Variants in SORCS2 observed in about 807,000 individuals in gnomAD.
SORCS2 encodes sortilin related VPS10 domain containing receptor 2.
In SORCS2, 100 loss-of-function variants were observed where a neutral mutation model predicts 141.6. That is an observed-to-expected ratio of 0.71 (90% CI 0.60 to 0.83). SORCS2 has a LOEUF of 0.83. SORCS2 is among the 40% of genes least tolerant of loss of function. The probability of loss-of-function intolerance (pLI) is 0.00; values close to 1 mark genes in which losing one functional copy is unlikely to be tolerated. For synonymous variants in SORCS2, 789 were observed against 676.9 expected (o/e 1.17, Z -2.57); for missense variants, 1,646 against 1,560.2 (o/e 1.05, Z -0.93).
At chr4:7,542,121 C>T (rs1018192213) in intron 3 of SORCS2, among the ~76,000 whole-genome samples, 1 of 152,232 alleles carries the variant, frequency 6.6e-6, no homozygotes, top group African/African-American at 2.4e-5. Flanking sequence ...ACCAAAGGGG[C>T]CCATTGGCAG....
chr4:7,663,520 C>G lies in SORCS2; in HGVS notation c.953-833C>G, dbSNP rs888190102. ...GTGGCTCAGGAGGGCTTGGCAGTGGCCTGGTGCTGCTGCCCACGTACCCTC... is the reference window on the plus strand; with the variant it reads ...GTGGCTCAGGAGGGCTTGGCAGTGGGCTGGTGCTGCTGCCCACGTACCCTC... On this transcript the variant is annotated intron_variant, in intron 6 of 26. Transcript: ENST00000507866. The surrounding 1 kb of genome is among the most constrained non-coding windows in gnomAD (Gnocchi z 4.8). Among the ~76,000 whole-genome samples the G allele has an allele frequency of 1.3e-5, 2 of 152,226 alleles. No homozygotes were observed. The highest frequency in any genetic ancestry group is 1.3e-4 in the Admixed American group (2 of 15,288).
intron 2 of SORCS2, among the ~76,000 whole-genome samples, chr4:7,518,654 G>A (rs1277890619): frequency 1.3e-5 from 2 of 152,134 alleles, no homozygotes; most frequent in African/African-American, 4.8e-5. Context: ...GGAGAAAGAG[G>A]TAACTACCCT....
intron 11 of SORCS2, among the ~76,000 whole-genome samples, chr4:7,695,435 G>T (rs1462451218): frequency 2.5e-5 from 2 of 80,424 alleles, no homozygotes; most frequent in Admixed American, 2.6e-4. Context: ...TGGATGGATG[G>T]ATTGGTGGGT....
At chr4:7,670,936 C>A (rs1483217005) in intron 8 of SORCS2, among the ~76,000 whole-genome samples, 2 of 152,226 alleles carry the variant, frequency 1.3e-5, no homozygotes, top group South Asian at 4.1e-4. Flanking sequence ...TTGCAACCAC[C>A]ATGAGTTGAA....
At chr4:7,547,926 T>C (rs1266979317) in intron 3 of SORCS2, among the ~76,000 whole-genome samples, 1 of 152,112 alleles carries the variant, frequency 6.6e-6, no homozygotes, top group East Asian at 1.9e-4. Flanking sequence ...TGAAACCCAA[T>C]CTCAACATGC....
At chr4:7,396,501 C>T (rs955710508) in intron 2 of SORCS2, 146 bp downstream of exon 2, 2 of 759,190 alleles carry the variant, frequency 2.6e-6, no homozygotes, top group Non-Finnish European at 4.3e-6. Context: ...CTAGAAAATG[C>T]ATAAAGGAAA....
At chr4:7,506,409 T>C (rs1732281000) in intron 2 of SORCS2, among the ~76,000 whole-genome samples, 2 of 152,176 alleles carry the variant, frequency 1.3e-5, no homozygotes. Flanking sequence ...GTTCTCCAAT[T>C]AGAAGTTGCC....
intron 1 of SORCS2, among the ~76,000 whole-genome samples, chr4:7,316,059 C>T (rs1718527975): frequency 6.6e-6 from 1 of 152,088 alleles, no homozygotes; most frequent in South Asian, 2.1e-4. Flanking sequence ...GCTTTCCTTC[C>T]TTCCATCCAT....
At chr4:7,317,852 G>T (rs1267242289) in intron 1 of SORCS2, among the ~76,000 whole-genome samples, 1 of 152,154 alleles carries the variant, frequency 6.6e-6, no homozygotes, top group Non-Finnish European at 1.5e-5. Flanking sequence ...ACAGAAACCC[G>T]AGAACCCGGT....
At chr4:7,498,889 C>A (rs1297522719) in intron 2 of SORCS2, among the ~76,000 whole-genome samples, 1 of 152,188 alleles carries the variant, frequency 6.6e-6, no homozygotes, top group Admixed American at 6.5e-5. Flanking sequence ...CTGTCACCCC[C>A]AGCAGGGGAA....
chr4:7,365,739 T>C (rs1721843288), intron 1 of SORCS2, among the ~76,000 whole-genome samples: 1 of 152,162 alleles, frequency 6.6e-6, no homozygotes, highest in African/African-American at 2.4e-5. Flanking sequence ...CAATTTATGG[T>C]CACTCTTTTT....
At position 7,193,664 on chromosome 4, in the gene SORCS2, G is replaced by C. The variant is rs892800219; in HGVS notation, c.480+538G>C. Among the ~76,000 whole-genome samples the C allele has an allele frequency of 1.3e-5, 2 of 152,154 alleles. No individual in the cohort carries two copies. The highest frequency in any genetic ancestry group is 2.9e-5 in the Non-Finnish European group (2 of 68,028). ...GGATTTCTGGGTTACCCCTCTCCCC[G>C]GGGTACTCTAGTGCGACCCGCGGCT... is the stretch of plus-strand genomic sequence containing the variant. On this transcript the variant is annotated intron_variant, in intron 1 of 26. Transcript: ENST00000507866. This position sits in a 1 kb window ranked among gnomAD's most constrained non-coding sequence, Gnocchi z 4.8.
intron 7 of SORCS2, among the ~76,000 whole-genome samples, chr4:7,666,380 G>C (rs1577918125): frequency 6.6e-6 from 1 of 152,172 alleles, no homozygotes; most frequent in Non-Finnish European, 1.5e-5. Context: ...TTCTATCCTG[G>C]TTTCCGTCAT....
At chr4:7,349,280 C>A (rs1416263898) in intron 1 of SORCS2, among the ~76,000 whole-genome samples, 1 of 152,200 alleles carries the variant, frequency 6.6e-6, no homozygotes, top group Non-Finnish European at 1.5e-5. Flanking sequence ...GGCCCCTCTG[C>A]CCCAGTGATG....
intron 9 of SORCS2, among the ~76,000 whole-genome samples, chr4:7,677,711 C>T (rs1423081131): frequency 6.6e-6 from 1 of 152,116 alleles, no homozygotes; most frequent in Non-Finnish European, 1.5e-5. Flanking sequence ...ACTGTGGTCC[C>T]CAGGAAAATC....
intron 3 of SORCS2, among the ~76,000 whole-genome samples, chr4:7,564,762 C>T (rs1479312873): frequency 1.3e-5 from 2 of 152,226 alleles, no homozygotes; most frequent in Non-Finnish European, 2.9e-5. Flanking sequence ...AAGACAGGCC[C>T]CATGCCACAG....
At chr4:7,406,336 A>G (rs980256091) in intron 2 of SORCS2, among the ~76,000 whole-genome samples, 10 of 148,420 alleles carry the variant, frequency 6.7e-5, no homozygotes, top group Admixed American at 2.7e-4. Context: ...AATGTTTGGT[A>G]GAATTGAGTG....
chr4:7,698,601 G>A lies in SORCS2; in HGVS notation c.1668+1327G>A, dbSNP rs543706013. Among the ~76,000 whole-genome samples the A allele has an allele frequency of 3.7e-4, 57 of 152,330 alleles. No homozygotes were observed. The South Asian group carries it at 0.01, about 28-fold the overall frequency. Reference sequence around the variant, plus strand: ...GAAGGTGTTCTGATTTTATAGAAACGGATTGCAAGATAGTCATAGCAGTCG... The same window carrying A: ...GAAGGTGTTCTGATTTTATAGAAACAGATTGCAAGATAGTCATAGCAGTCG... On this transcript the variant is annotated intron_variant, in intron 12 of 26. Transcript: ENST00000507866.
chr4:7,536,813 A>T lies in SORCS2; in HGVS notation c.648+5184A>T, dbSNP rs1712159558. Among the ~76,000 whole-genome samples the T allele has an allele frequency of 6.0e-5, 8 of 134,404 alleles. No individual in the cohort carries two copies. In the South Asian group the frequency reaches 1.9e-3, roughly 31 times the overall value. 88.2% of individuals were successfully genotyped at this position (134,404 alleles called of 152,430 possible). On this transcript the variant is annotated intron_variant, in intron 3 of 26. Transcript: ENST00000507866. ...GTATCACACTTTCGGCCAGAAGCGG[A>T]TGTCCCCATACTCAGATGTGGGGGG...
Sources: gnomAD v4.1 joint callset for allele counts (sites outside exome capture counted in the v4.1 genomes callset) on GRCh38, gnomAD v4.1.1 for gene constraint, Gnocchi (gnomAD v3.1) non-coding constraint, MANE v1.5 for transcripts, NCBI Gene and HGNC (gene_info 2026-07-23, HGNC 2026-07-21) for gene names.